The following MAP2K6 variants were observed in gnomAD, a reference collection of about 807,000 sequenced individuals.
MAP2K6 encodes the protein mitogen-activated protein kinase kinase 6, also known as dual specificity mitogen-activated protein kinase kinase 6.
In MAP2K6, 16 loss-of-function variants were observed where a neutral mutation model predicts 53.7. The ratio of observed to expected loss-of-function variants is 0.30; its 90% CI spans 0.20 to 0.45. The LOEUF is 0.45. Among genes scored for constraint, MAP2K6 ranks in the 20% least tolerant of loss-of-function variants. The pLI is 1.00. For synonymous variants in MAP2K6, 132 were observed against 143.1 expected, an observed-to-expected ratio of 0.92 and a Z score of 0.55; for missense variants, 204 against 411.9, an observed-to-expected ratio of 0.50 and a Z score of 4.37.
rs142329545 is a variant in MAP2K6 at position 69,447,349 on chromosome 17, C to T, written c.16+32349C>T. ...TTTGGGAATTGGATTTTTTTAATGT[C>T]ATTTTTATATTTTTGAGATGGAGTC... On this transcript the variant is annotated intron_variant, in intron 1 of 11. Transcript: ENST00000590474. 3.3e-5 allele frequency among the ~76,000 whole-genome samples: 5 copies of T among 151,526 alleles called. No individual in the cohort carries two copies. The East Asian group carries it at 9.8e-4, about 30-fold the overall frequency.
intron 11 of MAP2K6, among the ~76,000 whole-genome samples, chr17:69,537,761 A>G (rs1441614143): frequency 6.6e-6 from 1 of 152,200 alleles, no homozygotes; most frequent in Admixed American, 6.5e-5. Context: ...GCACTCTACC[A>G]TCTTTATTCA....
chr17:69,488,761 A>G (rs1484053764), intron 1 of MAP2K6, among the ~76,000 whole-genome samples: 2 of 152,194 alleles, frequency 1.3e-5, no homozygotes, highest in African/African-American at 4.8e-5. Context: ...GGAGACTAGT[A>G]GAAGCTTGAA....
chr17:69,493,265 A>T (rs1908817740), intron 1 of MAP2K6, among the ~76,000 whole-genome samples: 4 of 151,666 alleles, frequency 2.6e-5, no homozygotes, highest in African/African-American at 9.7e-5. Context: ...TAAAAATTTA[A>T]AATTTTATAT....
At chr17:69,441,078 T>C (rs1906802160) in intron 1 of MAP2K6, among the ~76,000 whole-genome samples, 1 of 152,194 alleles carries the variant, frequency 6.6e-6, no homozygotes, top group Admixed American at 6.6e-5. Context: ...TGACTATAGG[T>C]ATAGTAAACA....
intron 1 of MAP2K6, among the ~76,000 whole-genome samples, chr17:69,444,035 A>G (rs1439421045): frequency 6.6e-6 from 1 of 152,220 alleles, no homozygotes; most frequent in African/African-American, 2.4e-5. Flanking sequence ...AGATTTTTAA[A>G]GATTATTTCA....
At chr17:69,498,678 ACACACACG>A (rs1036862959) in intron 1 of MAP2K6, among the ~76,000 whole-genome samples, 3 of 133,552 alleles carry the variant, frequency 2.2e-5, no homozygotes, top group Non-Finnish European at 5.0e-5. Context: ...ACACACACAC[ACACACACG>A]TGCACGCAGA....
intron 10 of MAP2K6, among the ~76,000 whole-genome samples, chr17:69,531,523 TTG>T (rs1323488317): frequency 6.6e-6 from 1 of 152,134 alleles, no homozygotes; most frequent in Non-Finnish European, 1.5e-5. Flanking sequence ...ATCACTTAGT[TTG>T]TAGGGTGAAG....
At chr17:69,476,330 AC>A (rs1908148704) in intron 1 of MAP2K6, among the ~76,000 whole-genome samples, 1 of 152,104 alleles carries the variant, frequency 6.6e-6, no homozygotes, top group African/African-American at 2.4e-5. Context: ...AAACCAAAAA[AC>A]CAAGCTACCT....
intron 2 of MAP2K6, among the ~76,000 whole-genome samples, chr17:69,509,999 C>A (rs767081043): frequency 1.6e-4 from 24 of 152,034 alleles, no homozygotes; most frequent in Admixed American, 3.9e-4. Flanking sequence ...CATGCCACCA[C>A]ACGCGGCTAA....
In MAP2K6 at chr17:69,519,288, A is replaced by G. The variant is rs775124260; in HGVS notation, c.247-25A>G. ...GCCTCATCCTCAGAGTAGTAACCATAAATTTTCCATGCATTTCCATTCAGC... is the reference window on the plus strand; with the variant it reads ...GCCTCATCCTCAGAGTAGTAACCATGAATTTTCCATGCATTTCCATTCAGC... On this transcript the variant is annotated intron_variant, in intron 4 of 11. Transcript: ENST00000590474. 1.9e-6 allele frequency: 3 copies of G among 1,609,938 alleles called. No individual in the cohort carries two copies. The South Asian group carries it at 3.3e-5, about 18-fold the overall frequency.
At chr17:69,449,865 G>A (rs1433170269) in intron 1 of MAP2K6, among the ~76,000 whole-genome samples, 2 of 149,962 alleles carry the variant, frequency 1.3e-5, no homozygotes, top group Non-Finnish European at 3.0e-5. Flanking sequence ...CGCCCGCCTC[G>A]GCTTCCCAAA....
chr17:69,460,694 G>A (rs1337376929), intron 1 of MAP2K6, among the ~76,000 whole-genome samples: 5 of 152,106 alleles, frequency 3.3e-5, no homozygotes, highest in African/African-American at 9.7e-5. Context: ...TTGACCTCCT[G>A]GGCTCAAGTG....
Position 69,535,739 on chromosome 17 carries a change from T to C in MAP2K6, c.882-376T>C, listed in dbSNP as rs569793714. ...ACAGTGAAGAGATAACAAATGGCAATGTAAGAAACACTTGCCAATTTCTTT... is the reference window on the plus strand; with the variant it reads ...ACAGTGAAGAGATAACAAATGGCAACGTAAGAAACACTTGCCAATTTCTTT... On this transcript the variant is annotated intron_variant, in intron 10 of 11. Transcript: ENST00000590474. 1.1e-3 allele frequency among the ~76,000 whole-genome samples: 162 copies of C among 152,300 alleles called. No individual in the cohort carries two copies. The Middle Eastern group carries it at 0.014, about 13-fold the overall frequency.
chr17:69,474,448 T>G (rs1248916153), intron 1 of MAP2K6, among the ~76,000 whole-genome samples: 1 of 152,206 alleles, frequency 6.6e-6, no homozygotes, highest in African/African-American at 2.4e-5. Flanking sequence ...GAGTAAAATC[T>G]TCTAGATTCC....
chr17:69,502,393 G>C (rs1314185854), intron 1 of MAP2K6: 4 of 985,312 alleles, frequency 4.1e-6, no homozygotes, highest in Non-Finnish European at 4.8e-6. Context: ...GTCTCTTACT[G>C]TGCTGCTCTG....
intron 10 of MAP2K6, among the ~76,000 whole-genome samples, chr17:69,527,291 C>T (rs1910826657): frequency 6.6e-6 from 1 of 152,148 alleles, no homozygotes; most frequent in African/African-American, 2.4e-5. Flanking sequence ...CCCCAGAAGT[C>T]TTGTAGAACC....
At chr17:69,507,078 C>T (rs1485889422) in intron 2 of MAP2K6, among the ~76,000 whole-genome samples, 1 of 151,574 alleles carries the variant, frequency 6.6e-6, no homozygotes, top group East Asian at 1.9e-4. Context: ...AAATATGTGG[C>T]CTACTTTTAC....
chr17:69,466,869 T>C (rs1907831682), intron 1 of MAP2K6, among the ~76,000 whole-genome samples: 2 of 152,206 alleles, frequency 1.3e-5, no homozygotes, highest in Non-Finnish European at 2.9e-5. Flanking sequence ...GTTGGGCTGA[T>C]GGTGGAGGCT....
intron 1 of MAP2K6, chr17:69,502,017 C>G: frequency 3.1e-6 from 1 of 318,414 alleles, no homozygotes; most frequent in African/African-American, 2.3e-5. Flanking sequence ...CAGCTGGAAA[C>G]TGACCACATA....
Sources: gnomAD v4.1 joint callset for allele counts (sites outside exome capture counted in the v4.1 genomes callset) on GRCh38, gnomAD v4.1.1 for gene constraint, MANE v1.5 for transcripts, NCBI Gene and HGNC (gene_info 2026-07-23, HGNC 2026-07-21) for gene names.